ADAMTS19: variants seen among roughly 807,000 people sequenced by gnomAD.
ADAMTS19 encodes the protein A disintegrin and metalloproteinase with thrombospondin motifs 19.
In ADAMTS19, 93 loss-of-function variants were observed where a neutral mutation model predicts 153.3. The observed-to-expected ratio is 0.61, with a 90% CI of 0.51 to 0.72. The LOEUF (loss-of-function observed/expected upper bound fraction) is 0.72. ADAMTS19 is among the 30% of genes least tolerant of loss of function. The pLI, the probability that ADAMTS19 is intolerant of heterozygous loss-of-function variation, is 0.00. For missense variants in ADAMTS19, 1,482 were observed against 1,552.1 expected, an observed-to-expected ratio of 0.95 and a Z score of 0.76; for synonymous variants, 600 against 556.6, an observed-to-expected ratio of 1.08 and a Z score of -1.10.
chr5:129,600,481 A>C (rs1314786102), intron 8 of ADAMTS19, among the ~76,000 whole-genome samples: 1 of 152,174 alleles, frequency 6.6e-6, no homozygotes, highest in Non-Finnish European at 1.5e-5. Context: ...TCACATATAA[A>C]ATGTTTATAA....
intron 19 of ADAMTS19, among the ~76,000 whole-genome samples, chr5:129,697,102 G>C (rs1481374760): frequency 1.3e-5 from 2 of 152,140 alleles, no homozygotes; most frequent in Non-Finnish European, 2.9e-5. Flanking sequence ...TGAGGGCCCT[G>C]CTGTCTGTCA....
intron 18 of ADAMTS19, among the ~76,000 whole-genome samples, chr5:129,690,210 C>A (rs993299954): frequency 3.1e-4 from 47 of 152,286 alleles, no homozygotes; most frequent in African/African-American, 1.1e-3. Flanking sequence ...AATAAAATCA[C>A]CTTACTCAGT....
chr5:129,601,596 A>G (rs563636841), intron 8 of ADAMTS19, among the ~76,000 whole-genome samples: 1 of 152,282 alleles, frequency 6.6e-6, no homozygotes, highest in Non-Finnish European at 1.5e-5. Context: ...TTAGCATGGA[A>G]GGATATAGAT....
rs193053258 is a variant in ADAMTS19 at position 129,661,342 on chromosome 5, A to C, written c.2425+2605A>C. Among the ~76,000 whole-genome samples, 702 of 152,326 alleles carry C rather than the reference A, an allele frequency of 4.6e-3. 8 individuals carry two copies. Among genetic ancestry groups the C allele is most frequent in the African/African-American group, 0.016 (650 of 41,580 alleles). ...TTTAATAATGAAATGTTAAATTTGT[A>C]TAAGTTTCAATTTTAAAAATTCTGC... On this transcript the variant is annotated intron_variant, in intron 15 of 22. Transcript: ENST00000274487.
intron 15 of ADAMTS19, among the ~76,000 whole-genome samples, chr5:129,660,524 A>G (rs1475225651): frequency 6.6e-6 from 1 of 152,060 alleles, no homozygotes; most frequent in African/African-American, 2.4e-5. Flanking sequence ...TTTAGCACTG[A>G]TGCCTTTATT....
At chr5:129,515,453 A>G (rs1382658513) in intron 3 of ADAMTS19, among the ~76,000 whole-genome samples, 1 of 151,804 alleles carries the variant, frequency 6.6e-6, no homozygotes, top group African/African-American at 2.4e-5. Flanking sequence ...ACTTTTTGGT[A>G]TCTTCTTCAA....
chr5:129,550,608 A>G (rs1419614807), intron 6 of ADAMTS19, among the ~76,000 whole-genome samples: 1 of 151,056 alleles, frequency 6.6e-6, no homozygotes, highest in Non-Finnish European at 1.5e-5. Flanking sequence ...TAACTCACAA[A>G]TGCTGCTGAT....
At chr5:129,608,110 G>GTATATATATATATA (rs1368112273) in intron 8 of ADAMTS19, among the ~76,000 whole-genome samples, 7 of 36,250 alleles carry the variant, frequency 1.9e-4, no homozygotes, top group African/African-American at 3.7e-4. Context: ...GTGTGTGTGT[G>GTATATATATATATA]TGTGTGTATA....
At chr5:129,683,409 T>TTATA (rs147635091) in intron 17 of ADAMTS19, among the ~76,000 whole-genome samples, 4 of 151,400 alleles carry the variant, frequency 2.6e-5, no homozygotes, top group African/African-American at 9.7e-5. Context: ...ATTGAACTAT[T>TTATA]TATATATATA....
chr5:129,602,826 C>CTGTGTGTGTGTGTG (rs56060749), intron 8 of ADAMTS19, among the ~76,000 whole-genome samples: 42 of 146,712 alleles, frequency 2.9e-4, no homozygotes, highest in African/African-American at 8.5e-4. Flanking sequence ...CTTATATTCT[C>CTGTGTGTGTGTGTG]TGTGTGTGTG....
chr5:129,573,397 C>T (rs1036821523), intron 7 of ADAMTS19, among the ~76,000 whole-genome samples: 40 of 151,890 alleles, frequency 2.6e-4, no homozygotes, highest in Non-Finnish European at 5.0e-4. Context: ...GTTTCTCAGC[C>T]GACCACGCAT....
intron 6 of ADAMTS19, among the ~76,000 whole-genome samples, chr5:129,548,415 C>CAG (rs1752942178): frequency 6.6e-6 from 1 of 151,606 alleles, no homozygotes; most frequent in African/African-American, 2.4e-5. Context: ...AGCCAAAAAA[C>CAG]ACATGAAAAA....
chr5:129,518,555 A>G (rs1239048934), intron 3 of ADAMTS19, among the ~76,000 whole-genome samples: 1 of 152,036 alleles, frequency 6.6e-6, no homozygotes, highest in Non-Finnish European at 1.5e-5. Flanking sequence ...CACTGCTGCC[A>G]GTGTATTGGA....
chr5:129,629,730 G>T (rs1399650768), intron 10 of ADAMTS19, among the ~76,000 whole-genome samples: 3 of 152,050 alleles, frequency 2.0e-5, no homozygotes, highest in Non-Finnish European at 4.4e-5. Flanking sequence ...TGACTTCTTG[G>T]ATGGCTTTGT....
At chr5:129,489,141 G>A (rs1270120396) in intron 2 of ADAMTS19, among the ~76,000 whole-genome samples, 1 of 152,080 alleles carries the variant, frequency 6.6e-6, no homozygotes, top group Non-Finnish European at 1.5e-5. Flanking sequence ...ATCATCAGTT[G>A]TGTAAATGTT....
At chr5:129,577,829 A>G (rs1211162299) in intron 7 of ADAMTS19, among the ~76,000 whole-genome samples, 1 of 151,794 alleles carries the variant, frequency 6.6e-6, no homozygotes, top group Non-Finnish European at 1.5e-5. Context: ...ATGTTTCCTT[A>G]TTTATTTTGA....
intron 2 of ADAMTS19, among the ~76,000 whole-genome samples, chr5:129,478,203 T>C (rs989933165): frequency 2.0e-5 from 3 of 152,164 alleles, no homozygotes; most frequent in African/African-American, 7.2e-5. Context: ...GAAATGAAAT[T>C]ATATTTTATG....
In ADAMTS19 at chr5:129,470,372, G is replaced by T. The variant is rs114188370; in HGVS notation, c.747+8615G>T. 9.7e-3 allele frequency among the ~76,000 whole-genome samples: 1,472 copies of T among 152,320 alleles called. 24 individuals carry two copies. Among genetic ancestry groups the T allele is most frequent in the African/African-American group, 0.034 (1,431 of 41,564 alleles). On this transcript the variant is annotated intron_variant, in intron 2 of 22. Transcript: ENST00000274487. ...GAATCAGAGGAGTTGCAGGTTCCTG[G>T]TAGGTGGGATATGTTTTGGAGCAGT...
In ADAMTS19 at chr5:129,551,911, AGT is replaced by A. The variant is rs779460683; in HGVS notation, c.1372+8_1372+9del. Reference sequence around the variant, plus strand: ...GATGAACCATGTGATACTGTTGGTAAGTGTGAAAATTCTCACACTTTTGGAGT... The same window carrying A: ...GATGAACCATGTGATACTGTTGGTAAGTGAAAATTCTCACACTTTTGGAGT... On this transcript the variant is annotated splice_donor_5th_base_variant and intron_variant, in intron 7 of 22. Transcript: ENST00000274487. 1.2e-5 allele frequency: 18 copies of A among 1,563,810 alleles called. No homozygotes were observed. The highest frequency in any genetic ancestry group is 3.7e-5 in the South Asian group (3 of 81,392).
Sources: allele counts gnomAD v4.1 joint callset (sites outside exome capture counted in the v4.1 genomes callset), GRCh38; gene constraint gnomAD v4.1.1; transcripts MANE v1.5; gene names NCBI Gene and HGNC (gene_info 2026-07-23, HGNC 2026-07-21).